The following DLGAP2 variants were observed in gnomAD, a reference collection of about 807,000 sequenced individuals.
DLGAP2 encodes DLG associated protein 2, also known as disks large-associated protein 2.
Under a neutral mutation model 100.3 loss-of-function variants are expected in DLGAP2, and 26 were observed. The ratio of observed to expected loss-of-function variants is 0.26; its 90% confidence interval spans 0.19 to 0.36. DLGAP2 has a LOEUF of 0.36. DLGAP2 is among the 10% of genes least tolerant of loss of function. The pLI is 1.00. For synonymous variants in DLGAP2, 886 were observed against 630.1 expected, an observed-to-expected ratio of 1.41 and a Z score of -6.08; for missense variants, 1,858 against 1,453.2, an observed-to-expected ratio of 1.28 and a Z score of -4.53.
At chr8:962,115 T>A (rs755639980) in intron 2 of DLGAP2, among the ~76,000 whole-genome samples, 20 of 152,236 alleles carry the variant, frequency 1.3e-4, no homozygotes, top group Non-Finnish European at 1.9e-4. Context: ...ATTATCATAG[T>A]CGTCATCATA....
rs535778952 is a variant in DLGAP2 at position 1,568,865 on chromosome 8, C to A, written c.1442+2971C>A. Among the ~76,000 whole-genome samples the A allele has an allele frequency of 9.0e-4, 70 of 77,400 alleles. 3 individuals are homozygous for A. Among genetic ancestry groups the A allele is most frequent in the Middle Eastern group, 8.1e-3 (1 of 124 alleles). The allele number at this position is 77,400 out of a possible 152,430, so 50.8% of individuals were successfully genotyped here. ...CCTATGGCCCCCATGCCACTGTCCA[C>A]TCAGCAGACACAAATCCATCTCTGC... On this transcript the variant is annotated intron_variant, in intron 6 of 14. Coordinates refer to ENST00000637795, the MANE Select transcript of DLGAP2 (RefSeq NM_001346810.2).
intron 2 of DLGAP2, among the ~76,000 whole-genome samples, chr8:918,108 A>C (rs1337152821): frequency 1.3e-5 from 2 of 152,106 alleles, no homozygotes; most frequent in African/African-American, 4.8e-5. Context: ...GAATTTACCT[A>C]AGTTTTGTGC....
intron 7 of DLGAP2, among the ~76,000 whole-genome samples, chr8:1,631,985 CA>C (rs1464325456): frequency 2.0e-5 from 3 of 152,004 alleles, no homozygotes; most frequent in African/African-American, 7.3e-5. Context: ...CAACATAATC[CA>C]GGGGGTTCAG....
In DLGAP2 at chr8:1,548,787, C is replaced by A. The variant is rs1801643474; in HGVS notation, c.334C>A (p.His112Asn). ...CCCGGAGGACTGCGAGCACCTGCAC[C>A]ACGGGCCCGACGCGCGGCCGCCCTA... ...APPEDCEHLH[H>N]GPDARPPYLL... Residue 112 changes from histidine to asparagine, a missense_variant, in exon 5 of 15, where the codon CAC (histidine) becomes AAC (asparagine). His to Asn is a moderately conservative substitution (Grantham distance 68). Transcript: ENST00000637795. The A allele has an allele frequency of 2.5e-6, 4 of 1,589,246 alleles. No individual in the cohort carries two copies. Among genetic ancestry groups the A allele is most frequent in the Admixed American group, 3.4e-5 (2 of 58,164 alleles).
intron 2 of DLGAP2, among the ~76,000 whole-genome samples, chr8:1,165,316 C>G (rs1430233837): frequency 6.6e-6 from 1 of 151,302 alleles, no homozygotes; most frequent in Non-Finnish European, 1.5e-5. Flanking sequence ...AGAGAGAGAG[C>G]ACGCGCATAC....
intron 3 of DLGAP2, chr8:1,297,316 A>C (rs117722299): frequency 4.6e-5 from 7 of 152,254 alleles, no homozygotes; most frequent in African/African-American, 1.7e-4. Context: ...GCTGTTTAGG[A>C]TGAGAATGTT....
intron 1 of DLGAP2, among the ~76,000 whole-genome samples, chr8:849,336 A>G (rs987470911): frequency 6.6e-6 from 1 of 152,240 alleles, no homozygotes; most frequent in East Asian, 1.9e-4. Flanking sequence ...CGGTGTTTCT[A>G]TGGATTCATT....
At chr8:821,174 C>T (rs996392665) in intron 1 of DLGAP2, among the ~76,000 whole-genome samples, 5 of 152,166 alleles carry the variant, frequency 3.3e-5, no homozygotes, top group African/African-American at 7.2e-5. Context: ...ATTTACATGG[C>T]GTTAACTAAC....
chr8:1,091,727 C>T (rs974515953), intron 2 of DLGAP2, among the ~76,000 whole-genome samples: 8 of 152,124 alleles, frequency 5.3e-5, no homozygotes, highest in Non-Finnish European at 8.8e-5. Flanking sequence ...GTTGACGTTG[C>T]GTGTCTCCCG....
intron 7 of DLGAP2, among the ~76,000 whole-genome samples, chr8:1,632,393 C>G (rs2035225347): frequency 1.3e-5 from 2 of 152,136 alleles, no homozygotes; most frequent in East Asian, 1.9e-4. Flanking sequence ...AATGTGCTTT[C>G]CCTTATACGG....
chr8:778,659 CA>C (rs1821597397), intron 1 of DLGAP2, among the ~76,000 whole-genome samples: 1 of 152,216 alleles, frequency 6.6e-6, no homozygotes, highest in South Asian at 2.1e-4. Flanking sequence ...GCTCAGGGGT[CA>C]GGGGTCAGGC....
chr8:1,236,349 A>T (rs1303275703), intron 2 of DLGAP2, among the ~76,000 whole-genome samples: 1 of 51,866 alleles, frequency 1.9e-5, no homozygotes, highest in Admixed American at 2.1e-4. Flanking sequence ...CGCCGTGTCT[A>T]GTTCTCTCCC....
intron 1 of DLGAP2, among the ~76,000 whole-genome samples, chr8:827,511 C>T (rs760074487): frequency 2.6e-5 from 4 of 152,152 alleles, no homozygotes; most frequent in East Asian, 1.9e-4. Context: ...ACGTGTATAA[C>T]GCTTTCTTCA....
chr8:1,085,025 T>G (rs1803929277), intron 2 of DLGAP2, among the ~76,000 whole-genome samples: 1 of 152,224 alleles, frequency 6.6e-6, no homozygotes, highest in Non-Finnish European at 1.5e-5. Flanking sequence ...CAAAAACTCT[T>G]GGTATCTTTT....
In DLGAP2 at chr8:1,548,752, G is replaced by T; in HGVS notation, c.299G>T (p.Gly100Val). ...CCGCTGTGTTCCGGGCACACGTGTG[G>T]TCTGGCGCCCCCGGAGGACTGCGAG... Reference protein sequence around the residue: ...QPPLCSGHTCGLAPPEDCEHL... With the variant: ...QPPLCSGHTCVLAPPEDCEHL... The change falls in exon 5 of 15, where the codon GGT (glycine) becomes GTT (valine). Residue 100 changes from glycine to valine, a missense_variant. By Grantham distance (109) the Gly-to-Val change is moderately radical. Coordinates refer to ENST00000637795, the MANE Select transcript of DLGAP2 (RefSeq NM_001346810.2). 1 of 1,604,148 alleles carries T rather than the reference G, an allele frequency of 6.2e-7. No individual in the cohort carries two copies. Among genetic ancestry groups the T allele is most frequent in the Non-Finnish European group, 8.5e-7 (1 of 1,177,126 alleles).
At chr8:1,039,802 T>G (rs77555596) in intron 2 of DLGAP2, among the ~76,000 whole-genome samples, 49 of 125,926 alleles carry the variant, frequency 3.9e-4, no homozygotes, top group Non-Finnish European at 6.2e-4. Flanking sequence ...TCAGCTCGGT[T>G]TCCGTGGTCG....
intron 2 of DLGAP2, among the ~76,000 whole-genome samples, chr8:974,493 C>G (rs1267828514): frequency 6.6e-6 from 1 of 152,156 alleles, no homozygotes; most frequent in African/African-American, 2.4e-5. Context: ...AGAATATATT[C>G]TGGGCTATAA....
chr8:790,485 G>A (rs1051254683), intron 1 of DLGAP2, among the ~76,000 whole-genome samples: 1 of 152,170 alleles, frequency 6.6e-6, no homozygotes, highest in African/African-American at 2.4e-5. Flanking sequence ...TAAATGCTTA[G>A]CATAGAGATC....
At chr8:1,289,441 G>C (rs117502757) in intron 3 of DLGAP2, among the ~76,000 whole-genome samples, 1 of 152,114 alleles carries the variant, frequency 6.6e-6, no homozygotes, top group Non-Finnish European at 1.5e-5. Context: ...TCTATTTTGC[G>C]GGGTTCCCTT....
Sources: gnomAD v4.1 joint callset for allele counts (sites outside exome capture counted in the v4.1 genomes callset) on GRCh38, gnomAD v4.1.1 for gene constraint, MANE v1.5 for transcripts, NCBI Gene and HGNC (gene_info 2026-07-23, HGNC 2026-07-21) for gene names.